Variants in HDAC9 observed in about 807,000 individuals in gnomAD.
The protein encoded by HDAC9 is MEF-2 interacting transcription repressor (MITR) protein.
Under a neutral mutation model 139.4 loss-of-function variants are expected in HDAC9, and 41 were observed. The observed-to-expected ratio is 0.29, with a 90% CI of 0.23 to 0.38. The LOEUF (loss-of-function observed/expected upper bound fraction) is 0.38. Among genes scored for constraint, HDAC9 ranks in the 10% least tolerant of loss-of-function variants. The probability of loss-of-function intolerance (pLI) is 1.00; values close to 1 mark genes in which losing one functional copy is unlikely to be tolerated. For missense variants in HDAC9, 1,147 were observed against 1,297.0 expected (o/e 0.88, Z 1.78); for synonymous variants, 517 against 476.2 (o/e 1.09, Z -1.12).
chr7:18,168,193 C>A (rs1255039789), intron 2 of HDAC9, among the ~76,000 whole-genome samples: 1 of 152,140 alleles, frequency 6.6e-6, no homozygotes, highest in African/African-American at 2.4e-5. Flanking sequence ...GTCAATTTAT[C>A]TGAAATTATA....
chr7:18,673,386 A>C (rs1268948139), intron 12 of HDAC9, among the ~76,000 whole-genome samples: 2 of 152,104 alleles, frequency 1.3e-5, no homozygotes, highest in Admixed American at 6.6e-5. Context: ...CCAAACTAGT[A>C]GCCACATGTA....
chr7:18,748,413 A>G (rs1456747635), intron 13 of HDAC9, among the ~76,000 whole-genome samples: 1 of 152,238 alleles, frequency 6.6e-6, no homozygotes, highest in Non-Finnish European at 1.5e-5. Flanking sequence ...TACAACATCC[A>G]TATTGGTTAC....
At chr7:18,663,923 C>G (rs1794003777) in intron 11 of HDAC9, among the ~76,000 whole-genome samples, 1 of 152,154 alleles carries the variant, frequency 6.6e-6, no homozygotes, top group African/African-American at 2.4e-5. Flanking sequence ...GTCCCTCTCT[C>G]TCTCTGAATA....
intron 17 of HDAC9, among the ~76,000 whole-genome samples, chr7:18,811,152 A>T (rs2129190682): frequency 6.6e-6 from 1 of 151,892 alleles, no homozygotes; most frequent in South Asian, 2.1e-4. Flanking sequence ...TATTTGCCTT[A>T]TCAGTCTGGC....
chr7:18,428,084 A>G (rs753807194), intron 1 of HDAC9, among the ~76,000 whole-genome samples: 1 of 152,316 alleles, frequency 6.6e-6, no homozygotes, highest in Non-Finnish European at 1.5e-5. Flanking sequence ...TTAAGGCTGA[A>G]TAATATTCCT....
intron 1 of HDAC9, among the ~76,000 whole-genome samples, chr7:18,129,260 GA>G (rs1429398486): frequency 1.3e-5 from 2 of 152,062 alleles, no homozygotes; most frequent in African/African-American, 4.8e-5. Flanking sequence ...TTTTTAAACT[GA>G]TATACCATGG....
At chr7:18,540,075 T>G (rs1274560037) in intron 2 of HDAC9, among the ~76,000 whole-genome samples, 2 of 139,550 alleles carry the variant, frequency 1.4e-5, no homozygotes, top group Non-Finnish European at 3.0e-5. Context: ...CTGGCCAACA[T>G]GTTGAAACCG....
intron 11 of HDAC9, among the ~76,000 whole-genome samples, chr7:18,658,909 A>AAC (rs1554312177): frequency 6.6e-6 from 1 of 150,484 alleles, no homozygotes; most frequent in African/African-American, 2.5e-5. Flanking sequence ...CAAAAAAAAA[A>AAC]AAAACAAAAC....
intron 1 of HDAC9, among the ~76,000 whole-genome samples, chr7:18,371,532 T>A (rs1784593671): frequency 6.6e-6 from 1 of 152,140 alleles, no homozygotes; most frequent in Non-Finnish European, 1.5e-5. Context: ...ATAATACATG[T>A]ATTAGAACAC....
intron 1 of HDAC9, among the ~76,000 whole-genome samples, chr7:18,343,554 A>AT (rs1782175829): frequency 6.6e-6 from 1 of 151,856 alleles, no homozygotes; most frequent in African/African-American, 2.4e-5. Context: ...AGAAGGAGCG[A>AT]TTTTTTAAAC....
intron 2 of HDAC9, among the ~76,000 whole-genome samples, chr7:18,549,914 TTCC>T (rs1370070449): frequency 6.6e-6 from 1 of 151,988 alleles, no homozygotes; most frequent in Non-Finnish European, 1.5e-5. Context: ...TTTTTTCTTC[TTCC>T]TCCTCTTTCT....
At chr7:18,648,793 G>C (rs1788268907) in intron 11 of HDAC9, 110 bp downstream of exon 11, 2 of 897,830 alleles carry the variant, frequency 2.2e-6, no homozygotes, top group East Asian at 2.6e-5. Context: ...ACAGCAAAAA[G>C]GATGTGATCA....
chr7:18,685,369 T>G (rs1041035423), intron 12 of HDAC9, among the ~76,000 whole-genome samples: 3 of 152,090 alleles, frequency 2.0e-5, no homozygotes, highest in Admixed American at 2.0e-4. Flanking sequence ...CAGTTTTTTT[T>G]TTGTTCTTGG....
chr7:18,584,098 G>A (rs1035750805), intron 2 of HDAC9, among the ~76,000 whole-genome samples: 3 of 149,410 alleles, frequency 2.0e-5, no homozygotes, highest in African/African-American at 7.4e-5. Flanking sequence ...TATCCTGTCT[G>A]TGAGTTTTCC....
At chr7:18,352,220 A>G (rs1016138457) in intron 1 of HDAC9, among the ~76,000 whole-genome samples, 2 of 152,308 alleles carry the variant, frequency 1.3e-5, no homozygotes, top group Admixed American at 1.3e-4. Context: ...TTTCTGAAAA[A>G]TGTACATGAA....
chr7:18,556,296 A>T (rs774723918), intron 2 of HDAC9, among the ~76,000 whole-genome samples: 6 of 152,078 alleles, frequency 3.9e-5, no homozygotes, highest in Non-Finnish European at 8.8e-5. Context: ...GTGTCATTTT[A>T]GCATAAAGGT....
At chr7:18,967,508 A>ACCCC (rs1335326619) in intron 24 of HDAC9, among the ~76,000 whole-genome samples, 69 of 121,342 alleles carry the variant, frequency 5.7e-4, no homozygotes, top group African/African-American at 7.6e-4. Context: ...CCCCCCCCCA[A>ACCCC]AAAAAAAAAA....
intron 24 of HDAC9, among the ~76,000 whole-genome samples, chr7:18,963,168 C>T (rs1783633542): frequency 6.6e-6 from 1 of 152,108 alleles, no homozygotes; most frequent in South Asian, 2.1e-4. Context: ...GGGGAAAAAA[C>T]ATAAGCTGAA....
intron 12 of HDAC9, among the ~76,000 whole-genome samples, chr7:18,710,216 C>G (rs941158499): frequency 6.6e-6 from 1 of 152,104 alleles, no homozygotes; most frequent in Non-Finnish European, 1.5e-5. Flanking sequence ...TTAACTCTCC[C>G]CAAGTCCCAC....
Sources: gnomAD v4.1 joint callset for allele counts (sites outside exome capture counted in the v4.1 genomes callset) on GRCh38, gnomAD v4.1.1 for gene constraint, MANE v1.5 for transcripts, NCBI Gene and HGNC (gene_info 2026-07-23, HGNC 2026-07-21) for gene names.